NCALD: variants seen among roughly 807,000 people sequenced by gnomAD.
The protein encoded by NCALD is neurocalcin delta, also known as neurocalcin-delta.
Under a neutral mutation model 18.6 loss-of-function variants are expected in NCALD, and 10 were observed. The observed-to-expected ratio is 0.54, with a 90% CI of 0.33 to 0.91. The LOEUF (loss-of-function observed/expected upper bound fraction) is 0.91, where lower values mean the gene tolerates loss of function less well. NCALD is among the 40% of genes least tolerant of loss of function. The pLI is 0.03. For missense variants in NCALD, 184 were observed against 247.6 expected (o/e 0.74, Z 1.72); for synonymous variants, 88 against 87.4 (o/e 1.01, Z -0.04).
intron 3 of NCALD, among the ~76,000 whole-genome samples, chr8:101,899,868 T>G (rs1817355647): frequency 6.6e-6 from 1 of 151,902 alleles, no homozygotes; most frequent in South Asian, 2.1e-4. Context: ...GGTATCAAAA[T>G]AATTTCAGCT....
At chr8:101,942,448 A>C (rs1260719078) in intron 2 of NCALD, among the ~76,000 whole-genome samples, 2 of 152,246 alleles carry the variant, frequency 1.3e-5, no homozygotes, top group Non-Finnish European at 2.9e-5. Flanking sequence ...ATGATAATTC[A>C]GTATGAAAAA....
intron 3 of NCALD, among the ~76,000 whole-genome samples, chr8:101,910,040 A>C (rs1817737268): frequency 6.6e-6 from 1 of 152,090 alleles, no homozygotes; most frequent in South Asian, 2.1e-4. Flanking sequence ...AGTCTTCAGG[A>C]TCGCTCTCTT....
chr8:101,950,068 G>A (rs939582303), intron 2 of NCALD, among the ~76,000 whole-genome samples: 3 of 152,188 alleles, frequency 2.0e-5, no homozygotes, highest in Non-Finnish European at 4.4e-5. Context: ...AAAGAGCCAG[G>A]TTGACAGGAT....
intron 4 of NCALD, among the ~76,000 whole-genome samples, chr8:101,834,808 A>G (rs577394051): frequency 3.3e-5 from 5 of 152,326 alleles, no homozygotes; most frequent in African/African-American, 9.6e-5. Context: ...CCTATCCTAC[A>G]TGTAGGCCAA....
intron 2 of NCALD, among the ~76,000 whole-genome samples, chr8:101,714,508 G>C (rs529809584): frequency 6.6e-6 from 1 of 152,256 alleles, no homozygotes; most frequent in Admixed American, 6.5e-5. Context: ...TAAACAAATG[G>C]AGAAACATTC....
chr8:101,807,681 A>G (rs1486863448), intron 4 of NCALD, among the ~76,000 whole-genome samples: 24 of 152,186 alleles, frequency 1.6e-4, no homozygotes. Context: ...AGACACAAAA[A>G]TCTTCCAAAT....
intron 1 of NCALD, among the ~76,000 whole-genome samples, chr8:102,034,951 A>G (rs1185346897): frequency 2.0e-5 from 3 of 152,200 alleles, no homozygotes; most frequent in African/African-American, 2.4e-5. Flanking sequence ...CTGAAAGTCT[A>G]TACCCAATAA....
At chr8:101,866,360 C>T (rs1815771189) in intron 4 of NCALD, among the ~76,000 whole-genome samples, 1 of 152,170 alleles carries the variant, frequency 6.6e-6, no homozygotes, top group Non-Finnish European at 1.5e-5. Flanking sequence ...ACATACTTTC[C>T]AGGTGATCTT....
intron 4 of NCALD, among the ~76,000 whole-genome samples, chr8:101,823,257 C>T (rs1043592016): frequency 3.9e-5 from 6 of 152,120 alleles, no homozygotes; most frequent in African/African-American, 1.2e-4. Context: ...TTAGCAAGGC[C>T]ATTTTTTCTA....
chr8:102,008,852 G>A (rs1221076960), intron 2 of NCALD, among the ~76,000 whole-genome samples: 3 of 150,150 alleles, frequency 2.0e-5, no homozygotes, highest in African/African-American at 7.4e-5. Flanking sequence ...AAATAGATTT[G>A]GGTTTCTCCT....
intron 2 of NCALD, among the ~76,000 whole-genome samples, chr8:101,974,076 G>C (rs1351160572): frequency 6.6e-6 from 1 of 152,112 alleles, no homozygotes; most frequent in East Asian, 1.9e-4. Flanking sequence ...ATGTTAACAA[G>C]TGGCCAGGGG....
At chr8:101,736,433 C>T (rs751352000) in intron 1 of NCALD, among the ~76,000 whole-genome samples, 31 of 152,206 alleles carry the variant, frequency 2.0e-4, no homozygotes, top group Non-Finnish European at 4.1e-4. Context: ...GTTCCTACTG[C>T]ATGCCAATTA....
At chr8:101,850,447 CACTT>C (rs1321476265) in intron 4 of NCALD, among the ~76,000 whole-genome samples, 1 of 152,188 alleles carries the variant, frequency 6.6e-6, no homozygotes, top group Non-Finnish European at 1.5e-5. Context: ...GATCGCTACA[CACTT>C]ATTTTAAAGA....
intron 1 of NCALD, among the ~76,000 whole-genome samples, chr8:102,031,853 T>C (rs1422228429): frequency 6.6e-6 from 1 of 152,220 alleles, no homozygotes; most frequent in Non-Finnish European, 1.5e-5. Flanking sequence ...CTGATCTCCC[T>C]GTGATCCCTG....
rs561445011 is a variant in NCALD at position 101,854,466 on chromosome 8, C to A, written c.-20+32675G>T. On this transcript the variant is annotated intron_variant, in intron 4 of 6. Transcript: ENST00000311028. ...ACATTCACTTTCTACTGTCCCTGCACTTTTTCTCTCCTACTTGCTGCCTTT... is the reference window on the plus strand; with the variant it reads ...ACATTCACTTTCTACTGTCCCTGCAATTTTTCTCTCCTACTTGCTGCCTTT... Among the ~76,000 whole-genome samples the A allele has an allele frequency of 3.3e-5, 5 of 152,230 alleles. No individual in the cohort carries two copies. The South Asian group carries it at 1.0e-3, about 32-fold the overall frequency.
At chr8:101,950,198 C>T (rs1206211345) in intron 2 of NCALD, 1 of 152,296 alleles carries the variant, frequency 6.6e-6, no homozygotes, top group African/African-American at 2.4e-5. Flanking sequence ...AAAGAGACAA[C>T]AGTAATGAAA....
At position 101,812,738 on chromosome 8, in the gene NCALD, G is replaced by A. The variant is rs1015207256; in HGVS notation, c.-20+74403C>T. Among the ~76,000 whole-genome samples, 28 of 152,262 alleles carry A rather than the reference G, an allele frequency of 1.8e-4. No homozygotes were observed. The East Asian group carries it at 4.8e-3, about 26-fold the overall frequency. On this transcript the variant is annotated intron_variant, in intron 4 of 6. Transcript: ENST00000311028. ...TAGGGGCTTGAAGTCAGATTCCTAC[G>A]AGCAGGAGTTCCCAGTTACAGTCTC...
chr8:102,120,670 A>G (rs868506855), intron 1 of NCALD, among the ~76,000 whole-genome samples: 3 of 152,210 alleles, frequency 2.0e-5, no homozygotes, highest in Admixed American at 1.3e-4. Flanking sequence ...AGCCAAAATA[A>G]CATTCCTTTT....
chr8:102,036,865 T>G (rs547597217), intron 1 of NCALD, among the ~76,000 whole-genome samples: 18 of 152,142 alleles, frequency 1.2e-4, no homozygotes, highest in Non-Finnish European at 1.9e-4. Context: ...CAGGTGGAAG[T>G]ACAAATTGGT....
Sources: allele counts gnomAD v4.1 joint callset (sites outside exome capture counted in the v4.1 genomes callset), GRCh38; gene constraint gnomAD v4.1.1; transcripts MANE v1.5; gene names NCBI Gene and HGNC (gene_info 2026-07-23, HGNC 2026-07-21).